Variants in PTPRD observed in about 807,000 individuals in gnomAD.
PTPRD encodes protein tyrosine phosphatase receptor type D, also known as receptor-type tyrosine-protein phosphatase delta.
Under a neutral mutation model 214.5 loss-of-function variants are expected in PTPRD, and 34 were observed. The observed-to-expected ratio is 0.16, with a 90% confidence interval of 0.12 to 0.21. PTPRD has a LOEUF of 0.21. PTPRD is among the 10% of genes least tolerant of loss of function. PTPRD has a pLI of 1.00. For missense variants in PTPRD, 2,545 were observed against 2,398.7 expected, an observed-to-expected ratio of 1.06 and a Z score of -1.27; for synonymous variants, 1,128 against 845.7, an observed-to-expected ratio of 1.33 and a Z score of -5.79.
intron 12 of PTPRD, among the ~76,000 whole-genome samples, chr9:8,719,575 A>G (rs1344165135): frequency 6.6e-6 from 1 of 152,210 alleles, no homozygotes; most frequent in Non-Finnish European, 1.5e-5. Flanking sequence ...CTCTTGAACA[A>G]TCTGGCCCAC....
Position 8,783,180 on chromosome 9 carries a change from C to T in PTPRD, c.-103-49234G>A, listed in dbSNP as rs905641197. 2.0e-4 allele frequency among the ~76,000 whole-genome samples: 30 copies of T among 151,896 alleles called. 1 individual carries two copies. Among genetic ancestry groups the T allele is most frequent in the Non-Finnish European group, 1.0e-4 (7 of 67,962 alleles). On this transcript the variant is annotated intron_variant, in intron 11 of 45. Transcript: ENST00000381196. The stretch of plus-strand genomic sequence containing the variant: ...AGAACGGAAATTTTCATAAAGAAAT[C>T]CATTTTAAAGTCAGAACAAAAAAAG...
At chr9:9,568,638 C>G (rs1053191948) in intron 8 of PTPRD, among the ~76,000 whole-genome samples, 2 of 151,904 alleles carry the variant, frequency 1.3e-5, no homozygotes, top group Non-Finnish European at 2.9e-5. Context: ...TTCCTACATG[C>G]TTTCCTCTAT....
chr9:10,566,160 T>A (rs964912325), intron 2 of PTPRD, among the ~76,000 whole-genome samples: 1 of 152,018 alleles, frequency 6.6e-6, no homozygotes, highest in Non-Finnish European at 1.5e-5. Flanking sequence ...TTTGTCACTA[T>A]TTAACAATTC....
intron 8 of PTPRD, among the ~76,000 whole-genome samples, chr9:9,399,658 C>T (rs1587210457): frequency 6.6e-6 from 1 of 151,930 alleles, no homozygotes; most frequent in East Asian, 1.9e-4. Context: ...GCGGGTCTTT[C>T]CCATGTGGTT....
chr9:9,405,487 T>C (rs1179206698), intron 8 of PTPRD, among the ~76,000 whole-genome samples: 4 of 151,980 alleles, frequency 2.6e-5, no homozygotes, highest in Non-Finnish European at 5.9e-5. Context: ...TAGATAGACA[T>C]CACTAGAAAC....
chr9:8,605,632 C>G (rs1222487502), intron 14 of PTPRD, among the ~76,000 whole-genome samples: 1 of 152,196 alleles, frequency 6.6e-6, no homozygotes, highest in Non-Finnish European at 1.5e-5. Context: ...TAATATAAAA[C>G]TTTCAAGATA....
intron 3 of PTPRD, among the ~76,000 whole-genome samples, chr9:10,306,716 C>T (rs542229805): frequency 6.6e-6 from 1 of 152,198 alleles, no homozygotes; most frequent in South Asian, 2.1e-4. Flanking sequence ...TCTATGTTGT[C>T]TTGAATTCAC....
chr9:8,914,450 C>A (rs1262643964), intron 11 of PTPRD, among the ~76,000 whole-genome samples: 3 of 152,078 alleles, frequency 2.0e-5, no homozygotes, highest in Admixed American at 6.6e-5. Context: ...CAAATTATTT[C>A]TTTCACTTAC....
intron 11 of PTPRD, among the ~76,000 whole-genome samples, chr9:8,790,761 G>C (rs1011037315): frequency 7.6e-6 from 1 of 131,666 alleles, no homozygotes; most frequent in East Asian, 2.0e-4. Flanking sequence ...TTAGTATGTA[G>C]GGAAAGGAAA....
chr9:9,551,940 G>C (rs953180204), intron 8 of PTPRD, among the ~76,000 whole-genome samples: 19 of 151,082 alleles, frequency 1.3e-4, no homozygotes, highest in African/African-American at 4.4e-4. Flanking sequence ...GGCTGACATA[G>C]AAGTGAGAAA....
chr9:10,250,194 G>A (rs767532627), intron 3 of PTPRD, among the ~76,000 whole-genome samples: 9 of 152,090 alleles, frequency 5.9e-5, no homozygotes, highest in Non-Finnish European at 1.0e-4. Context: ...TAGGAGGCGG[G>A]AAATGAAGAA....
At chr9:10,056,441 A>G (rs1246166566) in intron 3 of PTPRD, among the ~76,000 whole-genome samples, 1 of 151,766 alleles carries the variant, frequency 6.6e-6, no homozygotes, top group African/African-American at 2.4e-5. Context: ...TAGCTGCTGG[A>G]AAGAAAAAAA....
chr9:9,213,777 T>C (rs1417633277), intron 9 of PTPRD, among the ~76,000 whole-genome samples: 1 of 152,148 alleles, frequency 6.6e-6, no homozygotes, highest in South Asian at 2.1e-4. Flanking sequence ...TGATTATTCA[T>C]CCCTTCACAG....
At chr9:9,042,062 A>C (rs563503128) in intron 10 of PTPRD, among the ~76,000 whole-genome samples, 4 of 152,286 alleles carry the variant, frequency 2.6e-5, no homozygotes, top group African/African-American at 9.6e-5. Context: ...TGAACTATGC[A>C]TGGTCTGGCT....
chr9:9,983,901 C>T (rs1379333149), intron 4 of PTPRD, among the ~76,000 whole-genome samples: 2 of 152,086 alleles, frequency 1.3e-5, no homozygotes, highest in Non-Finnish European at 2.9e-5. Flanking sequence ...TTTATAGTAT[C>T]ATTCTCTTCC....
At chr9:9,339,644 C>A (rs566248946) in intron 9 of PTPRD, among the ~76,000 whole-genome samples, 2 of 152,214 alleles carry the variant, frequency 1.3e-5, no homozygotes, top group Admixed American at 6.5e-5. Flanking sequence ...CAATTTTATT[C>A]AATTATTTAC....
chr9:9,937,521 A>C (rs1363085050), intron 5 of PTPRD, among the ~76,000 whole-genome samples: 1 of 152,082 alleles, frequency 6.6e-6, no homozygotes. Context: ...TGACTATAAA[A>C]ACATAATTCT....
chr9:10,167,864 T>A (rs904205375), intron 3 of PTPRD, among the ~76,000 whole-genome samples: 2 of 152,158 alleles, frequency 1.3e-5, no homozygotes, highest in African/African-American at 4.8e-5. Context: ...CTTCTCCCTA[T>A]ATAGCTGTAA....
At chr9:9,690,065 A>G (rs1234680658) in intron 7 of PTPRD, among the ~76,000 whole-genome samples, 1 of 151,932 alleles carries the variant, frequency 6.6e-6, no homozygotes, top group Non-Finnish European at 1.5e-5. Flanking sequence ...AGGACCCTCC[A>G]TACTATTTTC....
Sources: gnomAD v4.1 joint callset for allele counts (sites outside exome capture counted in the v4.1 genomes callset) on GRCh38, gnomAD v4.1.1 for gene constraint, MANE v1.5 for transcripts, NCBI Gene and HGNC (gene_info 2026-07-23, HGNC 2026-07-21) for gene names.